USP32: variants seen among roughly 807,000 people sequenced by gnomAD.
USP32 encodes ubiquitin specific peptidase 32.
Under a neutral mutation model 204.8 loss-of-function variants are expected in USP32, and 59 were observed. The observed-to-expected ratio is 0.29, with a 90% confidence interval of 0.23 to 0.36. USP32 has a LOEUF of 0.36. Among genes scored for constraint, USP32 ranks in the 10% least tolerant of loss-of-function variants. The probability of loss-of-function intolerance (pLI) is 1.00; values close to 1 mark genes in which losing one functional copy is unlikely to be tolerated. For synonymous variants in USP32, 517 were observed against 678.4 expected (o/e 0.76, Z 3.70); for missense variants, 1,160 against 1,946.4 (o/e 0.60, Z 7.60).
At chr17:60,362,560 T>C (rs2089230600) in intron 1 of USP32, among the ~76,000 whole-genome samples, 1 of 152,262 alleles carries the variant, frequency 6.6e-6, no homozygotes, top group South Asian at 2.1e-4. Flanking sequence ...ATCTGTTGTA[T>C]ACTTAAACGC....
chr17:60,391,574 C>A (rs912846654), intron 1 of USP32, among the ~76,000 whole-genome samples: 8 of 152,154 alleles, frequency 5.3e-5, no homozygotes, highest in Admixed American at 1.3e-4. Flanking sequence ...TGGAGCCGCC[C>A]AAGAAAACGG....
At chr17:60,398,825 A>G (rs1212502280) in intron 1 of USP32, among the ~76,000 whole-genome samples, 2 of 152,000 alleles carry the variant, frequency 1.3e-5, no homozygotes, top group Non-Finnish European at 2.9e-5. Flanking sequence ...AAAAAAAAAA[A>G]ATTTAATTAG....
At position 60,179,161 on chromosome 17, in the gene USP32, T is replaced by G. The variant is rs2084036926; in HGVS notation, c.*94A>C. 7.2e-7 allele frequency: 1 copy of G among 1,396,472 alleles called. No homozygotes were observed. The highest frequency in any genetic ancestry group is 9.7e-7 in the Non-Finnish European group (1 of 1,030,192). 86.5% of individuals were successfully genotyped at this position (1,396,472 alleles called of 1,614,324 possible). A position where few individuals can be genotyped will look rare whatever the true frequency, so the allele number is the denominator to read the frequency against. On this transcript the variant is annotated 3_prime_UTR_variant, in exon 34 of 34. Transcript: ENST00000300896. Reference sequence around the variant, plus strand: ...AGGGCCACAGGATAAAATAACTACATTTAGCTTGCCTTTCAGTGACGCTTT... The same window carrying G: ...AGGGCCACAGGATAAAATAACTACAGTTAGCTTGCCTTTCAGTGACGCTTT...
intron 1 of USP32, among the ~76,000 whole-genome samples, chr17:60,366,650 T>C (rs1377239788): frequency 1.3e-5 from 2 of 151,872 alleles, no homozygotes; most frequent in African/African-American, 2.4e-5. Context: ...CCTGTAATCC[T>C]AGATAGTCAG....
At chr17:60,362,045 T>C (rs2089218127) in intron 1 of USP32, among the ~76,000 whole-genome samples, 1 of 152,192 alleles carries the variant, frequency 6.6e-6, no homozygotes, top group African/African-American at 2.4e-5. Flanking sequence ...GTACAGACTG[T>C]AGAATGGATG....
At chr17:60,182,608 C>A (rs1448979106) in intron 31 of USP32, among the ~76,000 whole-genome samples, 1 of 151,898 alleles carries the variant, frequency 6.6e-6, no homozygotes, top group Non-Finnish European at 1.5e-5. Context: ...ACAAAAAATA[C>A]AAAAATTAGC....
intron 1 of USP32, among the ~76,000 whole-genome samples, chr17:60,364,342 A>G (rs1297023852): frequency 6.6e-6 from 1 of 152,212 alleles, no homozygotes; most frequent in Non-Finnish European, 1.5e-5. Flanking sequence ...CTCAGATCAC[A>G]GCACCTGCTA....
At chr17:60,306,896 C>G (rs2145907058) in intron 2 of USP32, among the ~76,000 whole-genome samples, 1 of 152,058 alleles carries the variant, frequency 6.6e-6, no homozygotes, top group East Asian at 1.9e-4. Flanking sequence ...AGTAAACAAT[C>G]TAAAAAAGAA....
chr17:60,222,307 G>A, intron 15 of USP32, 102 bp downstream of exon 15: 2 of 1,313,658 alleles, frequency 1.5e-6, no homozygotes, highest in Non-Finnish European at 2.1e-6. Flanking sequence ...TCTACCACAA[G>A]GTAAGAGCTA....
At chr17:60,310,561 T>C (rs530150927) in intron 2 of USP32, among the ~76,000 whole-genome samples, 68 of 151,810 alleles carry the variant, frequency 4.5e-4, no homozygotes, top group Non-Finnish European at 9.3e-4. Context: ...TAGCTGGGCG[T>C]GGTGGCACGC....
chr17:60,247,198 G>C (rs910288108), intron 11 of USP32, among the ~76,000 whole-genome samples: 1 of 146,036 alleles, frequency 6.8e-6, no homozygotes, highest in African/African-American at 2.6e-5. Flanking sequence ...TTTTTTTTTT[G>C]AGGCGGAGTC....
rs760871572 is a variant in USP32 at position 60,294,701 on chromosome 17, G to C, written c.393C>G (p.Leu131=). 5.0e-6 allele frequency: 8 copies of C among 1,606,372 alleles called. No individual in the cohort carries two copies. The highest frequency in any genetic ancestry group is 6.8e-6 in the Non-Finnish European group (8 of 1,174,332). ...HVVDGKVPDT[L]RKCFSEGEKV... Reference sequence around the variant, plus strand: ...ACTATACCTCTGAGAAACACTTCCTGAGTGTATCTGGGACTTTACCATCCA... The same window carrying C: ...ACTATACCTCTGAGAAACACTTCCTCAGTGTATCTGGGACTTTACCATCCA... The change falls in exon 4 of 34, where the codon CTC becomes CTG. Residue 131 remains leucine (L), a synonymous_variant. Transcript: ENST00000300896.
At chr17:60,399,661 AAAAT>A (rs745396945) in intron 1 of USP32, among the ~76,000 whole-genome samples, 95 of 152,198 alleles carry the variant, frequency 6.2e-4, no homozygotes, top group Middle Eastern at 3.4e-3. Context: ...AGACCCTGTC[AAAAT>A]AAATAAATAA....
chr17:60,402,889 G>A (rs1041954603), intron 1 of USP32, among the ~76,000 whole-genome samples: 3 of 152,144 alleles, frequency 2.0e-5, no homozygotes, highest in East Asian at 3.9e-4. Context: ...CTTAGCTGGA[G>A]TTGTCATAAA....
intron 1 of USP32, among the ~76,000 whole-genome samples, chr17:60,354,643 A>T (rs2089026411): frequency 6.6e-6 from 1 of 152,206 alleles, no homozygotes; most frequent in South Asian, 2.1e-4. Context: ...CTTCAGGTAG[A>T]TGATAAAACC....
At chr17:60,266,265 T>C (rs1350146487) in intron 7 of USP32, among the ~76,000 whole-genome samples, 174 bp from the exon 8 acceptor site, 1 of 152,186 alleles carries the variant, frequency 6.6e-6, no homozygotes, top group Non-Finnish European at 1.5e-5. Context: ...TCAGAACTTG[T>C]AGGACTTCCT....
chr17:60,211,613 T>C, intron 19 of USP32, 99 bp from the exon 20 acceptor site: 1 of 1,488,194 alleles, frequency 6.7e-7, no homozygotes, highest in Middle Eastern at 1.9e-4. Context: ...ATAACTCTCA[T>C]AATCAGCTAA....
At chr17:60,375,734 A>G (rs1257229764) in intron 1 of USP32, among the ~76,000 whole-genome samples, 1 of 151,870 alleles carries the variant, frequency 6.6e-6, no homozygotes, top group Non-Finnish European at 1.5e-5. Flanking sequence ...CTCCCCAAGT[A>G]GCTGGGACTA....
chr17:60,217,744 A>AT (rs1211690505), intron 16 of USP32, among the ~76,000 whole-genome samples: 18 of 150,316 alleles, frequency 1.2e-4, no homozygotes, highest in Non-Finnish European at 2.2e-4. Flanking sequence ...TTCACTTTTT[A>AT]TTTTTTTTTA....
Sources: allele counts gnomAD v4.1 joint callset (sites outside exome capture counted in the v4.1 genomes callset), GRCh38; gene constraint gnomAD v4.1.1; transcripts MANE v1.5; gene names NCBI Gene and HGNC (gene_info 2026-07-23, HGNC 2026-07-21).